PRKCSH: variants seen among roughly 807,000 people sequenced by gnomAD.
PRKCSH encodes the protein PRKCSH beta subunit of glucosidase II, also known as glucosidase 2 subunit beta.
Under a neutral mutation model 79.7 loss-of-function variants are expected in PRKCSH, and 42 were observed. That is an observed-to-expected ratio of 0.53 (90% CI 0.41 to 0.68). The LOEUF is 0.68. Ranked by LOEUF, PRKCSH falls within the 30% of genes least tolerant of loss-of-function variation. The pLI is 0.00. For missense variants in PRKCSH, 686 were observed against 709.0 expected, an observed-to-expected ratio of 0.97 and a Z score of 0.37; for synonymous variants, 325 against 288.2, an observed-to-expected ratio of 1.13 and a Z score of -1.29.
chr19:11,438,679 C>T (rs542189259), intron 5 of PRKCSH, among the ~76,000 whole-genome samples: 3 of 149,748 alleles, frequency 2.0e-5, no homozygotes, highest in East Asian at 2.0e-4. Flanking sequence ...GGCGTGAACA[C>T]GGGAGGCAGA....
At position 11,436,159 on chromosome 19, in the gene PRKCSH, C is replaced by T. The variant is rs769113566; in HGVS notation, c.42C>T (p.Ala14=). 1.2e-6 allele frequency: 2 copies of T among 1,602,580 alleles called. No homozygotes were observed. The highest frequency in any genetic ancestry group is 1.7e-6 in the Non-Finnish European group (2 of 1,176,100). Residue 14 remains alanine, a synonymous_variant, in exon 2 of 18, where the codon GCC becomes GCT. Coordinates refer to ENST00000677123, the MANE Select transcript of PRKCSH (RefSeq NM_001289104.2). ...TGCTGCTGCTACCCATGTGCTGGGC[C>T]GTGGAGGTCAAGAGGCCCCGGGGCG... ...PLLLLLPMCW[A]VEVKRPRGVS... is the part of the protein sequence containing the mutation.
intron 7 of PRKCSH, among the ~76,000 whole-genome samples, 171 bp downstream of exon 7, chr19:11,442,686 C>T (rs964420548): frequency 2.6e-5 from 4 of 152,122 alleles, no homozygotes; most frequent in African/African-American, 9.7e-5. Flanking sequence ...TCAGGAGCCT[C>T]CTTTTTAAAA....
chr19:11,436,461 TCAA>T lies in PRKCSH; in HGVS notation c.154_156del (p.Asn52del), dbSNP rs1048207134. 2 of 1,614,052 alleles carry T rather than the reference TCAA, an allele frequency of 1.2e-6. No individual in the cohort carries two copies. Among genetic ancestry groups the T allele is most frequent in the African/African-American group, 2.7e-5 (2 of 74,914 alleles). Reference sequence around the variant, plus strand: ...TCGGCCACCATCCCATTTGATCAGGTCAACGATGACTATTGCGACTGCAAAGAT... The same window carrying T: ...TCGGCCACCATCCCATTTGATCAGGTCGATGACTATTGCGACTGCAAAGAT... On this transcript the variant is annotated inframe_deletion, in exon 3 of 18. Coordinates refer to ENST00000677123, the MANE Select transcript of PRKCSH (RefSeq NM_001289104.2).
In PRKCSH at chr19:11,435,670, G is replaced by T; in HGVS notation, c.-114G>T. 1 of 1,300,380 alleles carries T rather than the reference G, an allele frequency of 7.7e-7. No individual in the cohort carries two copies. Among genetic ancestry groups the T allele is most frequent in the Non-Finnish European group, 1.0e-6 (1 of 996,296 alleles). 80.6% of individuals were successfully genotyped at this position (1,300,380 alleles called of 1,614,324 possible). A position where few individuals can be genotyped will look rare whatever the true frequency, so the allele number is the denominator to read the frequency against. ...CAGGAACCGCGGCTGCTGGACAAGA[G>T]GGGTGCGGTGGATACTGACCTTTGC... is the stretch of plus-strand genomic sequence containing the variant. On this transcript the variant is annotated 5_prime_UTR_variant, in exon 1 of 18. In the 5' UTR this introduces an upstream ATG that the reference lacks. Coordinates refer to ENST00000677123, the MANE Select transcript of PRKCSH (RefSeq NM_001289104.2).
chr19:11,439,605 C>CTTTTTTTTT (rs758607686), intron 5 of PRKCSH, among the ~76,000 whole-genome samples: 15 of 68,850 alleles, frequency 2.2e-4, no homozygotes, highest in African/African-American at 3.4e-4. Context: ...TTTTTCTTTT[C>CTTTTTTTTT]TTTTTTTTTT....
intron 5 of PRKCSH, among the ~76,000 whole-genome samples, chr19:11,439,311 C>T (rs1259792143): frequency 6.6e-6 from 1 of 152,038 alleles, no homozygotes; most frequent in African/African-American, 2.4e-5. Context: ...TGGCTCCTGC[C>T]TGTAATCCCA....
chr19:11,445,255 C>A, intron 7 of PRKCSH, 134 bp from the exon 8 acceptor site: 1 of 778,034 alleles, frequency 1.3e-6, no homozygotes. Context: ...TTGTCTCCTC[C>A]ACAGTCGTGT....
At chr19:11,439,195 G>A (rs1261652342) in intron 5 of PRKCSH, among the ~76,000 whole-genome samples, 1 of 152,052 alleles carries the variant, frequency 6.6e-6, no homozygotes, top group Non-Finnish European at 1.5e-5. Context: ...GCTTGGCCAC[G>A]ATGATTAGGT....
At position 11,436,071 on chromosome 19, in the gene PRKCSH, G is replaced by C; in HGVS notation, c.-47G>C. The C allele has an allele frequency of 6.2e-7, 1 of 1,602,208 alleles. No individual in the cohort carries two copies. The highest frequency in any genetic ancestry group is 8.5e-7 in the Non-Finnish European group (1 of 1,178,670). ...AGACACAGCGCATCTCCCCGCTGTA[G>C]GCTTCCTCCCACAGAACCCGTTTCG... On this transcript the variant is annotated 5_prime_UTR_variant, in exon 2 of 18. Transcript: ENST00000677123.
intron 6 of PRKCSH, among the ~76,000 whole-genome samples, chr19:11,441,582 G>C (rs1970065488): frequency 6.6e-6 from 1 of 152,152 alleles, no homozygotes. Context: ...AGGGCCTCGG[G>C]CATCAGACTA....
rs142339453 is a variant in PRKCSH at position 11,447,134 on chromosome 19, G to T, written c.823G>T (p.Ala275Ser). 6.2e-7 allele frequency: 1 copy of T among 1,613,944 alleles called. No individual in the cohort carries two copies. The highest frequency in any genetic ancestry group is 1.3e-5 in the African/African-American group (1 of 75,040). ...CTCTTTCTACGACCGCGTCTGGGCC[G>T]CCATCAGGGACAAGTACCGGTCCGA... ...ATSFYDRVWA[A>S]IRDKYRSEAL... is the part of the protein sequence containing the mutation. The change falls in exon 10 of 18, where the codon GCC becomes TCC. Residue 275 changes from alanine to serine, a missense_variant. Transcript: ENST00000677123. This position sits in a 1 kb window ranked among gnomAD's most constrained non-coding sequence, Gnocchi z 5.6.
chr19:11,444,472 TCAGAA>T (rs760285368), intron 7 of PRKCSH, among the ~76,000 whole-genome samples: 1 of 152,150 alleles, frequency 6.6e-6, no homozygotes, highest in African/African-American at 2.4e-5. Context: ...TCTGTGAGAC[TCAGAA>T]CAGTGTCAGC....
intron 5 of PRKCSH, chr19:11,441,012 T>G (rs1970038598): frequency 2.0e-6 from 1 of 501,426 alleles, no homozygotes; most frequent in Non-Finnish European, 3.7e-6. Context: ...CTCCTGGCAC[T>G]CCCTAGTCCC....
chr19:11,449,508 C>G lies in PRKCSH; in HGVS notation c.*16+80C>G. 1 of 1,559,450 alleles carries G rather than the reference C, an allele frequency of 6.4e-7. No homozygotes were observed. The highest frequency in any genetic ancestry group is 8.8e-7 in the Non-Finnish European group (1 of 1,135,518). ...CCCTGAGGAAGATGGACCCACATGG[C>G]CACTCTATCAACCTGTGTCCCCATG... On this transcript the variant is annotated intron_variant, in intron 17 of 17. Coordinates refer to ENST00000677123, the MANE Select transcript of PRKCSH (RefSeq NM_001289104.2). This position sits in a 1 kb window ranked among gnomAD's most constrained non-coding sequence, Gnocchi z 6.4.
At chr19:11,445,578 G>T (rs763173208) in intron 8 of PRKCSH, 105 bp downstream of exon 8, 17 of 1,141,932 alleles carry the variant, frequency 1.5e-5, no homozygotes, top group Non-Finnish European at 2.2e-5. Context: ...GGGTTCCCCC[G>T]GCGTGGGGTC....
rs950469228 is a variant in PRKCSH at position 11,436,175 on chromosome 19, C to T, written c.58C>T (p.Pro20Ser). The change falls in exon 2 of 18, where the codon CCC becomes TCC. Residue 20 changes from proline to serine, a missense_variant. Coordinates refer to ENST00000677123, the MANE Select transcript of PRKCSH (RefSeq NM_001289104.2). ...PMCWAVEVKR[P>S]RGVSLTNHHF... The stretch of plus-strand genomic sequence containing the variant: ...GTGCTGGGCCGTGGAGGTCAAGAGG[C>T]CCCGGGGCGTCTCCCTCACCAGTGA... 3.8e-6 allele frequency: 6 copies of T among 1,592,506 alleles called. No homozygotes were observed. The highest frequency in any genetic ancestry group is 4.3e-6 in the Non-Finnish European group (5 of 1,170,748).
Position 11,437,432 on chromosome 19 carries a change from G to A in PRKCSH, c.197-444G>A, listed in dbSNP as rs183095500. Among the ~76,000 whole-genome samples, 828 of 148,182 alleles carry A rather than the reference G, an allele frequency of 5.6e-3. 9 individuals are homozygous for A. Among genetic ancestry groups the A allele is most frequent in the South Asian group, 0.014 (63 of 4,642 alleles). ...AGTGGCATGATCTTGGCTCACTGCAGTCTCCACCTCCCGGGTTCAAGCGAT... is the reference window on the plus strand; with the variant it reads ...AGTGGCATGATCTTGGCTCACTGCAATCTCCACCTCCCGGGTTCAAGCGAT... On this transcript the variant is annotated intron_variant, in intron 3 of 17. Transcript: ENST00000677123.
At chr19:11,436,796 G>T in intron 3 of PRKCSH, 1 of 420,118 alleles carries the variant, frequency 2.4e-6, no homozygotes, top group South Asian at 2.1e-5. Flanking sequence ...AGAAGTGGGA[G>T]ACAGGGTGGG....
At chr19:11,446,184 AG>A in intron 8 of PRKCSH, 87 bp from the exon 9 acceptor site, 1 of 1,433,224 alleles carries the variant, frequency 7.0e-7, no homozygotes, top group Non-Finnish European at 9.7e-7. Context: ...GGGGCCCTGC[AG>A]GGAAGAACAG....
Sources: gnomAD v4.1 joint callset for allele counts (sites outside exome capture counted in the v4.1 genomes callset) on GRCh38, gnomAD v4.1.1 for gene constraint, Gnocchi (gnomAD v3.1) non-coding constraint, MANE v1.5 for transcripts, NCBI Gene and HGNC (gene_info 2026-07-23, HGNC 2026-07-21) for gene names.